Variants in ADAM8 observed in about 807,000 individuals in gnomAD.
ADAM8 encodes ADAM metallopeptidase domain 8.
A neutral mutation model predicts 102.4 loss-of-function variants in ADAM8; 104 were observed. The ratio of observed to expected loss-of-function variants is 1.02; its 90% CI spans 0.87 to 1.20. The LOEUF (loss-of-function observed/expected upper bound fraction) is 1.20, where lower values mean the gene tolerates loss of function less well. ADAM8 is among the 50% of genes most tolerant of loss of function. The pLI is 0.00. For synonymous variants in ADAM8, 517 were observed against 485.2 expected, an observed-to-expected ratio of 1.07 and a Z score of -0.86; for missense variants, 1,132 against 1,159.0, an observed-to-expected ratio of 0.98 and a Z score of 0.34.
rs762775447 is a variant in ADAM8, at chr10:133,273,254, C to G, written c.573G>C (p.Gly191=). ...AAACACAGGAGACAAGGGTGCTCACCCCGGGCCGAGGCCTGAAGACGGCTG... is the reference window on the plus strand; with the variant it reads ...AAACACAGGAGACAAGGGTGCTCACGCCGGGCCGAGGCCTGAAGACGGCTG... ...RTAAVFRPRP[G]DSLPSRETRY... Residue 191 remains glycine, a splice_region_variant and synonymous_variant, in exon 6 of 23, where the codon GGG becomes GGC. Coordinates refer to ENST00000445355, the MANE Select transcript of ADAM8 (RefSeq NM_001109.5). 3.1e-6 allele frequency: 5 copies of G among 1,602,238 alleles called. No homozygotes were observed. In the South Asian group the frequency reaches 5.6e-5, roughly 18 times the overall value.
chr10:133,263,636 C>CCGTGCCACTGTCAGCCCCGTGGGGAGGA, intron 22 of ADAM8, 52 bp downstream of exon 22: 1 of 1,479,120 alleles, frequency 6.8e-7, no homozygotes, highest in Non-Finnish European at 9.0e-7. Context: ...CGTGGGGAGG[C>CCGTGCCACTGTCAGCCCCGTGGGGAGGA]CGTGCCGTCC....
chr10:133,267,282 C>G (rs866930771), intron 21 of ADAM8, 70 bp downstream of exon 21: 1 of 1,512,138 alleles, frequency 6.6e-7, no homozygotes, highest in East Asian at 2.3e-5. Context: ...GTGCAGTGCA[C>G]AGACCCCAAT....
In ADAM8 at chr10:133,273,748, T is replaced by G; in HGVS notation, c.383+14A>C. On this transcript the variant is annotated intron_variant, in intron 5 of 22. Coordinates refer to ENST00000445355, the MANE Select transcript of ADAM8 (RefSeq NM_001109.5). ...CCACCTGCGGGAGCCCTGGCGTTCG[T>G]CCGCCACACCCACCTGAGGCCGGCA... The G allele has an allele frequency of 6.5e-7, 1 of 1,545,550 alleles. No homozygotes were observed.
intron 21 of ADAM8, among the ~76,000 whole-genome samples, chr10:133,267,105 G>T (rs1385446094): frequency 1.3e-5 from 2 of 152,186 alleles, no homozygotes; most frequent in Non-Finnish European, 2.9e-5. Flanking sequence ...GGTCTGAGTG[G>T]AAGGAGAAGG....
At chr10:133,273,082 G>A in intron 6 of ADAM8, 63 bp from the exon 7 acceptor site, 1 of 1,609,842 alleles carries the variant, frequency 6.2e-7, no homozygotes, top group African/African-American at 1.3e-5. Flanking sequence ...CCCTCCCTCA[G>A]GGACCCGGGG....
rs189433072 is a variant in ADAM8 at position 133,263,721 on chromosome 10, G to C, written c.2364C>G (p.Pro788=). Residue 788 remains proline, a synonymous_variant, in exon 22 of 23, where the codon CCC becomes CCG. Coordinates refer to ENST00000445355, the MANE Select transcript of ADAM8 (RefSeq NM_001109.5). ...TFAPPVPPVK[P]GAGAANPGPA... is the part of the protein sequence containing the mutation. ...GACCAGGGTTGGCCGCACCAGCCCC[G>C]GGTTTGACTGGGGGCACTGGGGGTG... The C allele has an allele frequency of 3.2e-6, 5 of 1,551,350 alleles. No homozygotes were observed. In the South Asian group the frequency reaches 3.6e-5, roughly 11 times the overall value.
At chr10:133,268,614 G>A (rs1010729627) in intron 19 of ADAM8, 134 bp downstream of exon 19, 84 of 994,580 alleles carry the variant, frequency 8.4e-5, no homozygotes, top group Non-Finnish European at 1.2e-4. Flanking sequence ...GCCGGGGGGC[G>A]TCATGACGTC....
At chr10:133,267,247 G>A in intron 21 of ADAM8, 105 bp downstream of exon 21, 2 of 1,282,606 alleles carry the variant, frequency 1.6e-6, no homozygotes. Flanking sequence ...TACAGCAGGG[G>A]CCACCTGGGG....
Position 133,263,734 on chromosome 10 carries a change from G to A in ADAM8, c.2351C>T (p.Pro784Leu), listed in dbSNP as rs760516250. The A allele has an allele frequency of 1.0e-5, 16 of 1,573,076 alleles. No individual in the cohort carries two copies. Among genetic ancestry groups the A allele is most frequent in the Non-Finnish European group, 1.3e-5 (15 of 1,159,756 alleles). ...VIKPTFAPPV[P>L]PVKPGAGAAN... is the part of the protein sequence containing the mutation. ...CGCACCAGCCCCGGGTTTGACTGGG[G>A]GCACTGGGGGTGCGAACGTTGGCTT... The change falls in exon 22 of 23, where the codon CCC becomes CTC. Residue 784 changes from proline to leucine, a missense_variant. Transcript: ENST00000445355.
At position 133,272,406 on chromosome 10, in the gene ADAM8, G is replaced by A. The variant is rs371538920; in HGVS notation, c.875+10C>T. 12 of 1,070,008 alleles carry A rather than the reference G, an allele frequency of 1.1e-5. No individual in the cohort carries two copies. The highest frequency in any genetic ancestry group is 1.1e-4 in the East Asian group (2 of 17,938). The allele number at this position is 1,070,008 out of a possible 1,614,324, so 66.3% of individuals were successfully genotyped here. ...CAGCCCTCCCCACCCTGCCCGCTCC[G>A]CCAGCTCACGTGATGAGCTGTACGT... On this transcript the variant is annotated intron_variant, in intron 9 of 22. Transcript: ENST00000445355.
intron 18 of ADAM8, chr10:133,269,181 AGACACAGGCTGAG>A (rs1846432999): frequency 1.0e-6 from 1 of 984,918 alleles, no homozygotes; most frequent in African/African-American, 1.7e-5. Flanking sequence ...AGGGGCTGGA[AGACACAGGCTGAG>A]GACACTGGAG....
intron 10 of ADAM8, 40 bp from the exon 11 acceptor site, chr10:133,271,994 C>A: frequency 6.3e-7 from 1 of 1,594,308 alleles, no homozygotes. Context: ...ATGTGGCCAA[C>A]TCCCCACGCC....
chr10:133,271,680 CA>C lies in ADAM8; in HGVS notation c.1131del (p.Ser377ArgfsTer83). The C allele has an allele frequency of 6.4e-7, 1 of 1,574,338 alleles. No individual in the cohort carries two copies. ...SIGSSFPRMFSDCSQAYLESF... is the reference protein window; with the variant it reads ...SIGSSFPRMFXDCSQAYLESF... ...CTCTCCAGGTAGGCCTGGCTGCAGTCACTGAACATCCTGGGGAAACTGGAGC... is the reference window on the plus strand; with the variant it reads ...CTCTCCAGGTAGGCCTGGCTGCAGTCCTGAACATCCTGGGGAAACTGGAGC... On this transcript the variant is annotated frameshift_variant, in exon 12 of 23. Transcript: ENST00000445355. LOFTEE classifies it high-confidence loss of function.
chr10:133,275,383 C>T, intron 2 of ADAM8, 101 bp downstream of exon 2: 1 of 866,000 alleles, frequency 1.2e-6, no homozygotes, highest in Non-Finnish European at 1.8e-6. Context: ...CAGCCCCAGA[C>T]ACCCACTGGC....
intron 20 of ADAM8, 110 bp from the exon 21 acceptor site, chr10:133,267,527 T>G: frequency 8.9e-7 from 1 of 1,128,448 alleles, no homozygotes; most frequent in Non-Finnish European, 1.2e-6. Flanking sequence ...GCTGGAGGCG[T>G]CTGCGCGGCC....
Position 133,262,967 on chromosome 10 carries a change from G to T in ADAM8, c.*189C>A. On this transcript the variant is annotated 3_prime_UTR_variant, in exon 23 of 23. Transcript: ENST00000445355. ...GGGCTACACGTGGCCAAGGCGGGGA[G>T]AAGGAATTGGCTGAGGGCGTGGACA... The T allele has an allele frequency of 1.4e-6, 1 of 738,732 alleles. No homozygotes were observed. Among genetic ancestry groups the T allele is most frequent in the Non-Finnish European group, 2.4e-6 (1 of 420,246 alleles). 45.8% of individuals were successfully genotyped at this position (738,732 alleles called of 1,614,324 possible).
At chr10:133,274,475 CG>C (rs1193710509) in intron 2 of ADAM8, among the ~76,000 whole-genome samples, 3 of 27,628 alleles carry the variant, frequency 1.1e-4, no homozygotes, top group Non-Finnish European at 2.3e-4. Context: ...AGGGTGGAGG[CG>C]GGGGGCGGAG....
rs761925701 is a variant in ADAM8, at chr10:133,271,555, C to T, written c.1257G>A (p.Gly419=). Residue 419 remains glycine (G), a synonymous_variant, in exon 12 of 23, where the codon GGG becomes GGA. Coordinates refer to ENST00000445355, the MANE Select transcript of ADAM8 (RefSeq NM_001109.5). ...PVCGNLFVER[G]EQCDCGPPED... ...CGGGGGGGCCGCAGTCGCACTGCTCCCCACGCTCCACAAACAGGTTCCCAC... is the reference window on the plus strand; with the variant it reads ...CGGGGGGGCCGCAGTCGCACTGCTCTCCACGCTCCACAAACAGGTTCCCAC... The T allele has an allele frequency of 2.6e-6, 4 of 1,559,096 alleles. No homozygotes were observed. Among genetic ancestry groups the T allele is most frequent in the South Asian group, 1.2e-5 (1 of 84,798 alleles).
rs1846502862 is a variant in ADAM8, at chr10:133,270,980, C to T, written c.1465G>A (p.Asp489Asn). The T allele has an allele frequency of 3.1e-6, 5 of 1,612,884 alleles. No individual in the cohort carries two copies. The highest frequency in any genetic ancestry group is 4.2e-6 in the Non-Finnish European group (5 of 1,179,974). ...GGCGTGCCGTTCTCCTGGAAGGCGT[C>T]TTCCGGGCACTCAGGGTGCCGGCCG... ...CDGRHPECPE[D>N]AFQENGTPCS... The change falls in exon 14 of 23, where the codon GAC (aspartate) becomes AAC (asparagine). Residue 489 changes from aspartate to asparagine, a missense_variant. Transcript: ENST00000445355.
Sources: allele counts gnomAD v4.1 joint callset (sites outside exome capture counted in the v4.1 genomes callset), GRCh38; gene constraint gnomAD v4.1.1; transcripts MANE v1.5; gene names NCBI Gene and HGNC (gene_info 2026-07-23, HGNC 2026-07-21).